The following MCM7 variants were observed in gnomAD, a reference collection of about 807,000 sequenced individuals.
MCM7 encodes DNA replication licensing factor MCM7.
MCM7 carries 95 observed loss-of-function variants against 83.5 expected under a neutral mutation model. The ratio of observed to expected loss-of-function variants is 1.14; its 90% CI spans 0.96 to 1.35. The LOEUF (loss-of-function observed/expected upper bound fraction) is 1.35, where lower values mean the gene tolerates loss of function less well. MCM7 is among the 40% of genes most tolerant of loss of function. The probability of loss-of-function intolerance (pLI) is 0.00; values close to 1 mark genes in which losing one functional copy is unlikely to be tolerated. For synonymous variants in MCM7, 461 were observed against 352.7 expected (o/e 1.31, Z -3.44); for missense variants, 1,087 against 957.4 (o/e 1.14, Z -1.79).
At chr7:100,100,196 C>T in intron 1 of MCM7, 103 bp from the exon 2 acceptor site, 8 of 1,489,806 alleles carry the variant, frequency 5.4e-6, no homozygotes, top group South Asian at 1.3e-5. Context: ...ATAATATGAG[C>T]ATTTAAATAA....
intron 10 of MCM7, among the ~76,000 whole-genome samples, chr7:100,097,015 G>A (rs1169980233): frequency 6.6e-6 from 1 of 152,034 alleles, no homozygotes; most frequent in Non-Finnish European, 1.5e-5. Context: ...GCAGGAGAAT[G>A]GCGTGACCCC....
chr7:100,098,875 T>A, intron 5 of MCM7, 148 bp downstream of exon 5: 1 of 1,338,168 alleles, frequency 7.5e-7, no homozygotes, highest in Admixed American at 2.3e-5. Context: ...AGAAAATAGG[T>A]AGAAAGACCA....
At position 100,092,938 on chromosome 7, in the gene MCM7, A is replaced by G; in HGVS notation, c.2154T>C (p.Phe718=). 1 of 1,614,230 alleles carries G rather than the reference A, an allele frequency of 6.2e-7. No individual in the cohort carries two copies. The highest frequency in any genetic ancestry group is 8.5e-7 in the Non-Finnish European group (1 of 1,180,028). The change falls in exon 15 of 15, where the codon TTT becomes TTC. Residue 718 remains phenylalanine (F), a synonymous_variant. Coordinates refer to ENST00000303887, the MANE Select transcript of MCM7 (RefSeq NM_005916.5). Reference sequence around the variant, plus strand: ...GGTTGCAAGCAGGCTGGAATCAGACAAAAGTGATCCGTGTCCGGGAAGCAT... The same window carrying G: ...GGTTGCAAGCAGGCTGGAATCAGACGAAAGTGATCCGTGTCCGGGAAGCAT... ...QVNASRTRIT[F]V
Position 100,095,868 on chromosome 7 carries a change from G to T in MCM7, c.1501C>A (p.Leu501Met). Reference sequence around the variant, plus strand: ...GCAGGTAGCTGTATGTTCTGCTCCAGGCTGCGGCGAGGGTTGTAGCGCCCG... The same window carrying T: ...GCAGGTAGCTGTATGTTCTGCTCCATGCTGCGGCGAGGGTTGTAGCGCCCG... ...AYGRYNPRRS[L>M]EQNIQLPAAL... is the part of the protein sequence containing the mutation. Residue 501 changes from leucine (L) to methionine (M), a missense_variant, in exon 11 of 15, where the codon CTG (leucine) becomes ATG (methionine). Transcript: ENST00000303887. 1 of 1,613,542 alleles carries T rather than the reference G, an allele frequency of 6.2e-7. No individual in the cohort carries two copies. The highest frequency in any genetic ancestry group is 8.5e-7 in the Non-Finnish European group (1 of 1,179,996).
chr7:100,100,765 G>T (rs764414423), intron 1 of MCM7: 7 of 992,118 alleles, frequency 7.1e-6, no homozygotes, highest in Non-Finnish European at 8.4e-6. Flanking sequence ...ACTCCCTCCA[G>T]CCTCCTCGCG....
intron 10 of MCM7, 124 bp downstream of exon 10, chr7:100,097,174 TCTC>T: frequency 1.3e-6 from 1 of 788,424 alleles, no homozygotes; most frequent in Non-Finnish European, 2.1e-6. Flanking sequence ...CTCAAATGAT[TCTC>T]CTGCCTCAGC....
rs1187868786 is a variant in MCM7, at chr7:100,101,393, A to G, written c.-99T>C. 2 of 1,541,010 alleles carry G rather than the reference A, an allele frequency of 1.3e-6. No individual in the cohort carries two copies. The highest frequency in any genetic ancestry group is 1.8e-6 in the Non-Finnish European group (2 of 1,124,616). ...GCGGTGGACTGTGGCCGGCCAACCGAAATTGGCGCGAAACGTCGCCCCCCA... is the reference window on the plus strand; with the variant it reads ...GCGGTGGACTGTGGCCGGCCAACCGGAATTGGCGCGAAACGTCGCCCCCCA... On this transcript the variant is annotated 5_prime_UTR_variant, in exon 1 of 15. Transcript: ENST00000303887.
At chr7:100,098,981 A>G (rs1795788428) in intron 5 of MCM7, 42 bp downstream of exon 5, 20 of 1,610,602 alleles carry the variant, frequency 1.2e-5, no homozygotes, top group Non-Finnish European at 1.7e-5. Context: ...CTACAAAACA[A>G]CTAATGGGTA....
In MCM7 at chr7:100,099,020, T is replaced by C; in HGVS notation, c.582+3A>G. 1 of 1,614,156 alleles carries C rather than the reference T, an allele frequency of 6.2e-7. No individual in the cohort carries two copies. The highest frequency in any genetic ancestry group is 8.5e-7 in the Non-Finnish European group (1 of 1,179,994). On this transcript the variant is annotated splice_donor_region_variant and intron_variant, in intron 5 of 14. Transcript: ENST00000303887. ...GCTTTCCTGCTTCTTGCTCCACACG[T>C]ACCGGCTGGTAGGTCTCTGCCCCAC...
rs201367705 is a variant in MCM7, at chr7:100,099,012, T to C, written c.582+11A>G. On this transcript the variant is annotated intron_variant, in intron 5 of 14. Coordinates refer to ENST00000303887, the MANE Select transcript of MCM7 (RefSeq NM_005916.5). The stretch of plus-strand genomic sequence containing the variant: ...GGGTAAGTGCTTTCCTGCTTCTTGC[T>C]CCACACGTACCGGCTGGTAGGTCTC... 8.4e-5 allele frequency: 135 copies of C among 1,613,734 alleles called. No homozygotes were observed. Among genetic ancestry groups the C allele is most frequent in the Non-Finnish European group, 1.1e-4 (132 of 1,179,760 alleles).
Position 100,095,697 on chromosome 7 carries a change from G to C in MCM7, c.1595+77C>G, listed in dbSNP as rs547131543. 1.4e-5 allele frequency: 21 copies of C among 1,496,542 alleles called. 1 individual carries two copies. Among genetic ancestry groups the C allele is most frequent in the Non-Finnish European group, 1.9e-5 (21 of 1,127,418 alleles). 92.7% of individuals were successfully genotyped at this position (1,496,542 alleles called of 1,614,324 possible). On this transcript the variant is annotated intron_variant, in intron 11 of 14. Coordinates refer to ENST00000303887, the MANE Select transcript of MCM7 (RefSeq NM_005916.5). The stretch of plus-strand genomic sequence containing the variant: ...TGGGGTTTCCAGGAGCGTGGAATTT[G>C]TTTTCTGATTCACCTCTCCTCCTCC...
rs1795769820 is a variant in MCM7, at chr7:100,098,614, T to C, written c.684A>G (p.Arg228=). 4 of 1,614,168 alleles carry C rather than the reference T, an allele frequency of 2.5e-6. 1 individual carries two copies. Among genetic ancestry groups the C allele is most frequent in the South Asian group, 2.2e-5 (2 of 91,080 alleles). ...GRLYLQTRGS[R]FIKFQEMKMQ... ...TCTTCATCTCCTGGAATTTGATGAA[T>C]CTGGAGCCCCGTGTCTGCAGATACA... is the stretch of plus-strand genomic sequence containing the variant. The change falls in exon 6 of 15, where the codon AGA becomes AGG. Residue 228 remains arginine, a synonymous_variant. Coordinates refer to ENST00000303887, the MANE Select transcript of MCM7 (RefSeq NM_005916.5).
At chr7:100,093,718 T>C (rs369684097) in intron 13 of MCM7, 58 of 659,028 alleles carry the variant, frequency 8.8e-5, no homozygotes, top group Middle Eastern at 2.6e-4. Context: ...GCATGACAGA[T>C]GGAGCTTGGG....
In MCM7 at chr7:100,095,908, G is replaced by A. The variant is rs148653520; in HGVS notation, c.1461C>T (p.Ala487=). The A allele has an allele frequency of 9.9e-6, 16 of 1,614,020 alleles. No individual in the cohort carries two copies. Among genetic ancestry groups the A allele is most frequent in the African/African-American group, 9.3e-5 (7 of 75,044 alleles). ...TGTAGCGCCCGTAGGCAGGGTTGGCGGCAGCCAGGATGGAGCAGCGGGCAT... is the reference window on the plus strand; with the variant it reads ...TGTAGCGCCCGTAGGCAGGGTTGGCAGCAGCCAGGATGGAGCAGCGGGCAT... ...TLNARCSILA[A]ANPAYGRYNP... The change falls in exon 11 of 15, where the codon GCC becomes GCT. Residue 487 remains alanine, a synonymous_variant. Transcript: ENST00000303887.
At chr7:100,096,529 T>C (rs1201804371) in intron 10 of MCM7, among the ~76,000 whole-genome samples, 3 of 152,196 alleles carry the variant, frequency 2.0e-5, no homozygotes, top group Non-Finnish European at 2.9e-5. Flanking sequence ...CCCAGCACTT[T>C]CGGAGGCCGA....
rs749432432 is a variant in MCM7, at chr7:100,099,713, T to C, written c.152A>G (p.Asp51Gly). ...GTCATCCTCGGCTACGTCGTCCAGG[T>C]CCACATACAGAGCCACCTGTTCCCG... ...AHREQVALYV[D>G]LDDVAEDDPE... The change falls in exon 3 of 15, where the codon GAC becomes GGC. Residue 51 changes from aspartate (D) to glycine (G), a missense_variant. Coordinates refer to ENST00000303887, the MANE Select transcript of MCM7 (RefSeq NM_005916.5). 9 of 1,614,062 alleles carry C rather than the reference T, an allele frequency of 5.6e-6. No individual in the cohort carries two copies. In the African/African-American group the frequency reaches 1.1e-4, roughly 19 times the overall value.
intron 11 of MCM7, 69 bp from the exon 12 acceptor site, chr7:100,095,539 C>G: frequency 6.8e-7 from 1 of 1,468,868 alleles, no homozygotes; most frequent in Middle Eastern, 1.8e-4. Context: ...TTAGGTGTCC[C>G]TCCTTTGGCT....
At position 100,097,615 on chromosome 7, in the gene MCM7, C is replaced by G. The variant is rs199897487; in HGVS notation, c.1116G>C (p.Arg372=). The G allele has an allele frequency of 1.2e-6, 2 of 1,613,654 alleles. No individual in the cohort carries two copies. The highest frequency in any genetic ancestry group is 2.2e-5 in the East Asian group (1 of 44,896). The part of the protein sequence containing the change: ...VDQSPRGMKI[R]GNINICLMGD... The stretch of plus-strand genomic sequence containing the variant: ...AGCCTCTCCCTTGTTTCTTCTTACC[C>G]CGGATTTTCATGCCTCGAGGAGACT... The change falls in exon 9 of 15, where the codon CGG becomes CGC. Residue 372 remains arginine, a splice_region_variant and synonymous_variant. Transcript: ENST00000303887.
rs753662979 is a variant in MCM7 at position 100,099,543 on chromosome 7, C to G, written c.276+46G>C. The G allele has an allele frequency of 2.5e-6, 4 of 1,606,232 alleles. No homozygotes were observed. In the East Asian group the frequency reaches 8.9e-5, roughly 36 times the overall value. ...TATCTGAGCAGCCTCTCTACAGAAGCTTAAACGCCTCGCCCTTTGTTTGCC... is the reference window on the plus strand; with the variant it reads ...TATCTGAGCAGCCTCTCTACAGAAGGTTAAACGCCTCGCCCTTTGTTTGCC... On this transcript the variant is annotated intron_variant, in intron 3 of 14. Coordinates refer to ENST00000303887, the MANE Select transcript of MCM7 (RefSeq NM_005916.5).
Sources: allele counts gnomAD v4.1 joint callset (sites outside exome capture counted in the v4.1 genomes callset), GRCh38; gene constraint gnomAD v4.1.1; transcripts MANE v1.5; gene names NCBI Gene and HGNC (gene_info 2026-07-23, HGNC 2026-07-21).